KIAA1143: variants seen among roughly 807,000 people sequenced by gnomAD.
KIAA1143 encodes the protein KIAA1143.
A neutral mutation model predicts 17.0 loss-of-function variants in KIAA1143; 8 were observed. The observed-to-expected ratio is 0.47, with a 90% CI of 0.28 to 0.85. The LOEUF (loss-of-function observed/expected upper bound fraction) is 0.85. KIAA1143 is among the 40% of genes least tolerant of loss of function. The pLI is 0.12. For synonymous variants in KIAA1143, 64 were observed against 67.8 expected (o/e 0.94, Z 0.27); for missense variants, 162 against 183.3 (o/e 0.88, Z 0.67).
chr3:44,760,024 T>G (rs115419262), intron 1 of KIAA1143, among the ~76,000 whole-genome samples: 246 of 152,284 alleles, frequency 1.6e-3, no homozygotes, highest in Admixed American at 2.7e-3. Context: ...ATAATTTGCT[T>G]CTTCATCTCA....
intron 2 of KIAA1143, 130 bp from the exon 3 acceptor site, chr3:44,753,682 C>T: frequency 2.2e-6 from 2 of 915,742 alleles, no homozygotes; most frequent in South Asian, 1.9e-5. Flanking sequence ...CTGGTCTTCT[C>T]CATTGTTTCT....
intron 1 of KIAA1143, among the ~76,000 whole-genome samples, chr3:44,761,141 G>A (rs527698929): frequency 3.9e-5 from 6 of 152,268 alleles, no homozygotes; most frequent in Non-Finnish European, 8.8e-5. Flanking sequence ...TCTGGAATAC[G>A]GGACGACGCT....
Position 44,750,279 on chromosome 3 carries a change from CT to C in KIAA1143, c.*3061del, listed in dbSNP as rs1704877663. 1 of 152,130 alleles carries C rather than the reference CT, an allele frequency of 6.6e-6. No homozygotes were observed. Among genetic ancestry groups the C allele is most frequent in the Non-Finnish European group, 1.5e-5 (1 of 68,038 alleles). The allele number at this position is 152,130 out of a possible 1,614,324, so 9.4% of individuals were successfully genotyped here. On this transcript the variant is annotated 3_prime_UTR_variant, in exon 3 of 3. Coordinates refer to ENST00000296121, the MANE Select transcript of KIAA1143 (RefSeq NM_020696.4). ...TGAAGTTCAAGAGTGACATATTAGG[CT>C]TATATTAGGCTTATTTGTAATGTTT...
rs1462635032 is a variant in KIAA1143, at chr3:44,753,536, T to C, written c.270A>G (p.Pro90=). The change falls in exon 3 of 3, where the codon CCA becomes CCG. Residue 90 remains proline, a synonymous_variant. Transcript: ENST00000296121. The part of the protein sequence containing the change: ...KAAKADEEPT[P]ADGRIIYRKP... ...TTCGATATATGATTCTTCCATCGGC[T>C]GGAGTTGGTTCTTCATCTGAGCAAA... 2.5e-6 allele frequency: 4 copies of C among 1,611,148 alleles called. No homozygotes were observed. Among genetic ancestry groups the C allele is most frequent in the Non-Finnish European group, 3.4e-6 (4 of 1,177,944 alleles).
Position 44,761,615 on chromosome 3 carries a change from T to G in KIAA1143, c.-13A>C. The G allele has an allele frequency of 6.5e-7, 1 of 1,547,192 alleles. No homozygotes were observed. Among genetic ancestry groups the G allele is most frequent in the South Asian group, 1.1e-5 (1 of 88,010 alleles). ...TCCGCTTGCTCATGGTAGCTCTGGG[T>G]AAAGACAGAAGACAGGTTCCGCGAC... On this transcript the variant is annotated 5_prime_UTR_variant, in exon 1 of 3. Coordinates refer to ENST00000296121, the MANE Select transcript of KIAA1143 (RefSeq NM_020696.4).
Position 44,750,572 on chromosome 3 carries a change from T to G in KIAA1143, c.*2769A>C, listed in dbSNP as rs2125878431. The G allele has an allele frequency of 7.9e-6, 1 of 127,162 alleles. No individual in the cohort carries two copies. The allele number at this position is 127,162 out of a possible 1,614,324, so 7.9% of individuals were successfully genotyped here. On this transcript the variant is annotated 3_prime_UTR_variant, in exon 3 of 3. Coordinates refer to ENST00000296121, the MANE Select transcript of KIAA1143 (RefSeq NM_020696.4). The stretch of plus-strand genomic sequence containing the variant: ...TCTGATCCTTCTCAAAAAAAAAAAG[T>G]GACTTATAATCAGCTACAGTCCAAG...
At chr3:44,759,716 G>A (rs1015017715) in intron 1 of KIAA1143, among the ~76,000 whole-genome samples, 1 of 151,636 alleles carries the variant, frequency 6.6e-6, no homozygotes, top group African/African-American at 2.4e-5. Flanking sequence ...CAACACAGTG[G>A]AATCCTGTCT....
intron 1 of KIAA1143, 78 bp downstream of exon 1, chr3:44,761,417 C>G (rs1705116136): frequency 8.8e-7 from 1 of 1,133,248 alleles, no homozygotes; most frequent in African/African-American, 1.5e-5. Context: ...CGACAGCACC[C>G]ACCCTCCAAG....
chr3:44,757,680 A>C (rs530699419), intron 1 of KIAA1143, among the ~76,000 whole-genome samples: 1 of 152,368 alleles, frequency 6.6e-6, no homozygotes, highest in East Asian at 1.9e-4. Context: ...TAAGATATGG[A>C]TAAGGTAAAG....
chr3:44,749,911 T>C lies in KIAA1143; in HGVS notation c.*3430A>G, dbSNP rs761502652. ...GCCCAAGCCATCCTCCTGCTTAGCC[T>C]CCTGAGCAGCTGGGACTACAGGTGT... On this transcript the variant is annotated 3_prime_UTR_variant, in exon 3 of 3. Transcript: ENST00000296121. 2 of 152,276 alleles carry C rather than the reference T, an allele frequency of 1.3e-5. No homozygotes were observed. The highest frequency in any genetic ancestry group is 2.9e-5 in the Non-Finnish European group (2 of 68,084). The allele number at this position is 152,276 out of a possible 1,614,324, so 9.4% of individuals were successfully genotyped here. A position where few individuals can be genotyped will look rare whatever the true frequency, so the allele number is the denominator to read the frequency against.
In KIAA1143 at chr3:44,761,491, T is replaced by C. The variant is rs368313165; in HGVS notation, c.108+4A>G. ...CCGAAGAAACACGACTGGCGAAGGC[T>C]CACCTTAGTCTCTACGGTGGGTCCC... On this transcript the variant is annotated splice_donor_region_variant and intron_variant, in intron 1 of 2. Coordinates refer to ENST00000296121, the MANE Select transcript of KIAA1143 (RefSeq NM_020696.4). The C allele has an allele frequency of 4.4e-6, 7 of 1,606,464 alleles. No homozygotes were observed. The Admixed American group carries it at 5.1e-5, about 12-fold the overall frequency.
Position 44,753,144 on chromosome 3 carries a change from T to C in KIAA1143, c.*197A>G. ...CCACACAAGGGAAATAACAAAATGT[T>C]AATACTAGCTAATTTCTATAGAGTT... On this transcript the variant is annotated 3_prime_UTR_variant, in exon 3 of 3. Coordinates refer to ENST00000296121, the MANE Select transcript of KIAA1143 (RefSeq NM_020696.4). The C allele has an allele frequency of 2.2e-6, 1 of 447,314 alleles. No homozygotes were observed. 27.7% of individuals were successfully genotyped at this position (447,314 alleles called of 1,614,324 possible). A position where few individuals can be genotyped will look rare whatever the true frequency, so the allele number is the denominator to read the frequency against.
chr3:44,761,032 T>C lies in KIAA1143; in HGVS notation c.108+463A>G, dbSNP rs1705101545. 2.0e-5 allele frequency among the ~76,000 whole-genome samples: 3 copies of C among 152,240 alleles called. 1 individual carries two copies. Among genetic ancestry groups the C allele is most frequent in the South Asian group, 4.1e-4 (2 of 4,828 alleles). ...TTATTTATTTTTAATTAACAAAGCA[T>C]AGAAACAGATTCAGGACATTCCTCC... On this transcript the variant is annotated intron_variant, in intron 1 of 2. Coordinates refer to ENST00000296121, the MANE Select transcript of KIAA1143 (RefSeq NM_020696.4).
rs1162372614 is a variant in KIAA1143 at position 44,749,864 on chromosome 3, C to T, written c.*3477G>A. ...GGAGTGCAGTGGTGCAATCATAGCT[C>T]ACTGCAGCGTTGAACTCCTGGGCCC... On this transcript the variant is annotated 3_prime_UTR_variant, in exon 3 of 3. Coordinates refer to ENST00000296121, the MANE Select transcript of KIAA1143 (RefSeq NM_020696.4). 6.6e-6 allele frequency: 1 copy of T among 152,116 alleles called. No homozygotes were observed. Among genetic ancestry groups the T allele is most frequent in the Non-Finnish European group, 1.5e-5 (1 of 68,068 alleles). The allele number at this position is 152,116 out of a possible 1,614,324, so 9.4% of individuals were successfully genotyped here. A position where few individuals can be genotyped will look rare whatever the true frequency, so the allele number is the denominator to read the frequency against.
Position 44,752,566 on chromosome 3 carries a change from T to C in KIAA1143, c.*775A>G, listed in dbSNP as rs1362857574. 1 of 151,978 alleles carries C rather than the reference T, an allele frequency of 6.6e-6. No homozygotes were observed. Among genetic ancestry groups the C allele is most frequent in the African/African-American group, 2.4e-5 (1 of 41,378 alleles). The allele number at this position is 151,978 out of a possible 1,614,324, so 9.4% of individuals were successfully genotyped here. On this transcript the variant is annotated 3_prime_UTR_variant, in exon 3 of 3. Coordinates refer to ENST00000296121, the MANE Select transcript of KIAA1143 (RefSeq NM_020696.4). ...GAAGTCAGAGGTCAGCAATCCAAGC[T>C]GGTGTAGCAGCTCCTCCAGGCATGT...
intron 1 of KIAA1143, 90 bp downstream of exon 1, chr3:44,761,405 C>A: frequency 3.1e-6 from 3 of 974,324 alleles, no homozygotes; most frequent in Non-Finnish European, 3.1e-6. Context: ...AAAAGAGGGA[C>A]CCGACAGCAC....
In KIAA1143 at chr3:44,761,203, AAAG is replaced by A. The variant is rs541795660; in HGVS notation, c.108+289_108+291del. 2.6e-5 allele frequency among the ~76,000 whole-genome samples: 4 copies of A among 152,250 alleles called. No homozygotes were observed. In the East Asian group the frequency reaches 7.7e-4, roughly 29 times the overall value. On this transcript the variant is annotated intron_variant, in intron 1 of 2. Coordinates refer to ENST00000296121, the MANE Select transcript of KIAA1143 (RefSeq NM_020696.4). The stretch of plus-strand genomic sequence containing the variant: ...ACAGCTTTTGAGGTAAACAAGTGAG[AAAG>A]AAGAGACAATAAAGTGATCTTTCTT...
intron 1 of KIAA1143, among the ~76,000 whole-genome samples, chr3:44,758,055 T>G (rs1705002863): frequency 1.3e-5 from 2 of 152,222 alleles, no homozygotes; most frequent in African/African-American, 4.8e-5. Flanking sequence ...AAGTACACGA[T>G]TCATGGGAGG....
At position 44,753,533 on chromosome 3, in the gene KIAA1143, G is replaced by A. The variant is rs143463554; in HGVS notation, c.273C>T (p.Ala91=). The A allele has an allele frequency of 2.7e-5, 44 of 1,610,242 alleles. No homozygotes were observed. The African/African-American group carries it at 4.3e-4, about 16-fold the overall frequency. Residue 91 remains alanine, a synonymous_variant, in exon 3 of 3, where the codon GCC becomes GCT. Coordinates refer to ENST00000296121, the MANE Select transcript of KIAA1143 (RefSeq NM_020696.4). ...GTTTTCGATATATGATTCTTCCATCGGCTGGAGTTGGTTCTTCATCTGAGC... is the reference window on the plus strand; with the variant it reads ...GTTTTCGATATATGATTCTTCCATCAGCTGGAGTTGGTTCTTCATCTGAGC... The part of the protein sequence containing the change: ...AAKADEEPTP[A]DGRIIYRKPV...
Sources: gnomAD v4.1 joint callset for allele counts (sites outside exome capture counted in the v4.1 genomes callset) on GRCh38, gnomAD v4.1.1 for gene constraint, MANE v1.5 for transcripts, NCBI Gene and HGNC (gene_info 2026-07-23, HGNC 2026-07-21) for gene names.